EML1: variants seen among roughly 807,000 people sequenced by gnomAD.
EML1 encodes EMAP like 1, also known as echinoderm microtubule-associated protein-like 1.
Under a neutral mutation model 110.4 loss-of-function variants are expected in EML1, and 27 were observed. That is an observed-to-expected ratio of 0.24 (90% CI 0.18 to 0.34). EML1 has a LOEUF of 0.34. Among genes scored for constraint, EML1 ranks in the 10% least tolerant of loss-of-function variants. EML1 has a pLI of 1.00. For synonymous variants in EML1, 344 were observed against 385.8 expected, an observed-to-expected ratio of 0.89 and a Z score of 1.27; for missense variants, 741 against 1,030.9, an observed-to-expected ratio of 0.72 and a Z score of 3.85.
At chr14:99,804,828 C>G (rs1009591971) in intron 1 of EML1, among the ~76,000 whole-genome samples, 7 of 152,186 alleles carry the variant, frequency 4.6e-5, no homozygotes, top group Admixed American at 3.3e-4. Context: ...CCTCATTTAT[C>G]TCTGAATTGC....
intron 2 of EML1, among the ~76,000 whole-genome samples, chr14:99,858,328 G>A (rs187639820): frequency 8.5e-5 from 13 of 152,208 alleles, no homozygotes; most frequent in Admixed American, 8.5e-4. Flanking sequence ...GGGATTACAG[G>A]CATGCACCTC....
chr14:99,845,349 C>G (rs2058691029), intron 1 of EML1, among the ~76,000 whole-genome samples: 1 of 152,134 alleles, frequency 6.6e-6, no homozygotes, highest in African/African-American at 2.4e-5. Flanking sequence ...CATTTTTCCC[C>G]TTGCCTATTT....
At position 99,784,094 on chromosome 14, in the gene EML1, CTTCTT is replaced by C. The variant is rs1263995763; in HGVS notation, c.-27+10084_-27+10088del. On this transcript the variant is annotated intron_variant, in intron 1 of 22. Transcript: ENST00000327921. This position sits in a 1 kb window ranked among gnomAD's most constrained non-coding sequence, Gnocchi z 4.5. ...CCTAAATGTAAGGACTTTTTCTTGT[CTTCTT>C]TTTTTTTTTGAGATAGGATCTTGCT... Among the ~76,000 whole-genome samples, 1 of 151,720 alleles carries C rather than the reference CTTCTT, an allele frequency of 6.6e-6. No homozygotes were observed.
intron 19 of EML1, among the ~76,000 whole-genome samples, chr14:99,937,581 G>A (rs567084339): frequency 3.3e-5 from 5 of 152,248 alleles, no homozygotes; most frequent in East Asian, 1.9e-4. Context: ...AGACTTGGAC[G>A]GAGATGGGAA....
chr14:99,826,406 C>T (rs967806403), intron 1 of EML1, among the ~76,000 whole-genome samples: 1 of 152,144 alleles, frequency 6.6e-6, no homozygotes. Flanking sequence ...AGCCACTGTG[C>T]CCAGCCCTAT....
intron 1 of EML1, among the ~76,000 whole-genome samples, chr14:99,822,821 C>T (rs946758743): frequency 2.7e-4 from 41 of 152,204 alleles, no homozygotes; most frequent in African/African-American, 8.9e-4. Flanking sequence ...CAAAGCCACA[C>T]TCCTCCTTTC....
chr14:99,770,779 A>ATTTTTTTTTTTTTT (rs34744469), upstream of EML1, among the ~76,000 whole-genome samples: 76 of 91,628 alleles, frequency 8.3e-4, 8 homozygotes, highest in African/African-American at 3.3e-3. Flanking sequence ...GTTTCCGCTG[A>ATTTTTTTTTTTTTT]TTTTTTTTTT....
intron 9 of EML1, among the ~76,000 whole-genome samples, chr14:99,904,454 TA>T (rs2059811450): frequency 6.6e-6 from 1 of 152,214 alleles, no homozygotes; most frequent in African/African-American, 2.4e-5. Context: ...ACCTTACATA[TA>T]AAACAGTTTT....
chr14:99,806,316 CTT>C (rs1198890041), intron 1 of EML1, among the ~76,000 whole-genome samples: 6,937 of 87,698 alleles, frequency 0.079, 145 homozygotes, highest in African/African-American at 0.15. Flanking sequence ...TCTCCAGAAT[CTT>C]TTTTTTTTTT....
intron 1 of EML1, among the ~76,000 whole-genome samples, chr14:99,818,760 G>A (rs894692090): frequency 2.6e-5 from 4 of 152,060 alleles, no homozygotes; most frequent in Admixed American, 6.5e-5. Flanking sequence ...TGGACTTGCC[G>A]ACTATAGTCA....
At chr14:99,756,992 C>T (rs192452804) in intron 1 of EML1, among the ~76,000 whole-genome samples, 2 of 152,332 alleles carry the variant, frequency 1.3e-5, no homozygotes, top group Admixed American at 6.5e-5. Flanking sequence ...TCCCCAGGAC[C>T]GGCGGCACAA....
chr14:99,862,610 T>C (rs1372227376), intron 2 of EML1, among the ~76,000 whole-genome samples: 1 of 152,208 alleles, frequency 6.6e-6, no homozygotes, highest in Non-Finnish European at 1.5e-5. Flanking sequence ...TACTATGTTA[T>C]TTGTTTTGTG....
At position 99,931,481 on chromosome 14, in the gene EML1, G is replaced by GT. The variant is rs549126454; in HGVS notation, c.1910-4547dup. Reference sequence around the variant, plus strand: ...AGTGAGCAATCAGTAGAAAACAGCCGTAAGGTTGTCCTTCTGCCCTGAGCA... The same window carrying GT: ...AGTGAGCAATCAGTAGAAAACAGCCGTTAAGGTTGTCCTTCTGCCCTGAGCA... On this transcript the variant is annotated intron_variant, in intron 17 of 21. Coordinates refer to ENST00000262233, the MANE Select transcript of EML1 (RefSeq NM_004434.3). Among the ~76,000 whole-genome samples, 9 of 152,338 alleles carry GT rather than the reference G, an allele frequency of 5.9e-5. No homozygotes were observed. In the East Asian group the frequency reaches 1.5e-3, roughly 26 times the overall value.
At chr14:99,796,930 T>A (rs1595293665) in intron 1 of EML1, among the ~76,000 whole-genome samples, 1 of 140,088 alleles carries the variant, frequency 7.1e-6, no homozygotes, top group East Asian at 2.6e-4. Context: ...TGTGTGTGTG[T>A]GTGTGTGAGA....
chr14:99,862,070 C>T (rs1334068109), intron 2 of EML1, among the ~76,000 whole-genome samples: 9 of 152,306 alleles, frequency 5.9e-5, no homozygotes. Context: ...TCCTCAGCCT[C>T]CTCCAGGCTG....
rs1393033441 is a variant in EML1, at chr14:99,781,422, T to C, written c.-27+7409T>C. 6.6e-6 allele frequency among the ~76,000 whole-genome samples: 1 copy of C among 152,128 alleles called. No homozygotes were observed. The highest frequency in any genetic ancestry group is 1.5e-5 in the Non-Finnish European group (1 of 68,014). ...CCTGATTCCTACACCCCACCACTCC[T>C]GCCCTCTAGACCCCAGATCCTCTCT... On this transcript the variant is annotated intron_variant, in intron 1 of 22. Coordinates refer to the EML1 transcript ENST00000327921. This position sits in a 1 kb window ranked among gnomAD's most constrained non-coding sequence, Gnocchi z 4.2.
chr14:99,803,167 G>A (rs2057913239), intron 1 of EML1, among the ~76,000 whole-genome samples: 1 of 152,134 alleles, frequency 6.6e-6, no homozygotes, highest in South Asian at 2.1e-4. Flanking sequence ...GAGTTTCCTG[G>A]TGAAAGGTGG....
Position 99,936,125 on chromosome 14 carries a change from C to T in EML1, c.2006C>T (p.Ser669Leu), listed in dbSNP as rs749641115. ...AAGTACACGCGAGTGGGCAAGTGCT[C>T]GGTAAGCGCTGACAGTGGACCTGTC... ...GRKYTRVGKC[S>L]GHSSFITHLD... is the part of the protein sequence containing the mutation. The change falls in exon 18 of 22, where the codon TCG (serine) becomes TTG (leucine). Residue 669 changes from serine to leucine, a missense_variant and splice_region_variant. By Grantham distance (145) the Ser-to-Leu change is moderately radical. Around this residue, in one of 4 missense-constraint regions of EML1, gnomAD observed 388 missense variants for 605.6 expected, o/e 0.64. Coordinates refer to ENST00000262233, the MANE Select transcript of EML1 (RefSeq NM_004434.3). This position sits in a 1 kb window ranked among gnomAD's most constrained non-coding sequence, Gnocchi z 5.5. 3.7e-6 allele frequency: 6 copies of T among 1,614,102 alleles called. No homozygotes were observed. The highest frequency in any genetic ancestry group is 1.7e-5 in the Admixed American group (1 of 60,024).
chr14:99,746,764 C>G (rs2057113727), intron 1 of EML1, among the ~76,000 whole-genome samples: 1 of 152,136 alleles, frequency 6.6e-6, no homozygotes, highest in Non-Finnish European at 1.5e-5. Context: ...CTTCTGTCAA[C>G]TTCATGCCTA....
Sources: allele counts gnomAD v4.1 joint callset (sites outside exome capture counted in the v4.1 genomes callset), GRCh38; gene constraint gnomAD v4.1.1; regional missense constraint gnomAD v4.1.1; non-coding constraint Gnocchi (gnomAD v3.1); transcripts MANE v1.5; gene names NCBI Gene and HGNC (gene_info 2026-07-23, HGNC 2026-07-21).